Variants in BBS9 observed in about 807,000 individuals in gnomAD.
BBS9 encodes protein PTHB1.
A neutral mutation model predicts 117.7 loss-of-function variants in BBS9; 89 were observed. The ratio of observed to expected loss-of-function variants is 0.76; its 90% CI spans 0.64 to 0.90. The LOEUF (loss-of-function observed/expected upper bound fraction) is 0.90, where lower values mean the gene tolerates loss of function less well. Ranked by LOEUF, BBS9 falls within the 40% of genes least tolerant of loss-of-function variation. BBS9 has a pLI of 0.00. For missense variants in BBS9, 982 were observed against 1,042.2 expected (o/e 0.94, Z 0.80); for synonymous variants, 379 against 370.9 (o/e 1.02, Z -0.25).
At chr7:33,447,644 A>G (rs1343263545) in intron 19 of BBS9, among the ~76,000 whole-genome samples, 1 of 152,194 alleles carries the variant, frequency 6.6e-6, no homozygotes, top group Non-Finnish European at 1.5e-5. Flanking sequence ...AGGGTGTTAA[A>G]TATTTATTTG....
chr7:33,430,521 A>G (rs2128876550), intron 19 of BBS9, among the ~76,000 whole-genome samples: 1 of 152,314 alleles, frequency 6.6e-6, no homozygotes, highest in African/African-American at 2.4e-5. Context: ...GGGAGAATAC[A>G]AAGTCTTGTT....
intron 19 of BBS9, among the ~76,000 whole-genome samples, chr7:33,492,649 A>G (rs1844148135): frequency 1.3e-5 from 2 of 152,180 alleles, no homozygotes; most frequent in Admixed American, 1.3e-4. Context: ...AGGCATTCAA[A>G]CATTCAAATG....
At chr7:33,243,054 A>G in intron 5 of BBS9, 1 of 512,890 alleles carries the variant, frequency 1.9e-6, no homozygotes, top group Non-Finnish European at 3.9e-6. Flanking sequence ...ATGTGCTAAT[A>G]ATGTATGGAC....
At chr7:33,224,375 A>G (rs921708430) in intron 5 of BBS9, among the ~76,000 whole-genome samples, 1 of 152,200 alleles carries the variant, frequency 6.6e-6, no homozygotes, top group Admixed American at 6.5e-5. Context: ...TAACTGTTCT[A>G]TATCTGTCTG....
At chr7:33,580,950 A>G (rs1859766945) in intron 21 of BBS9, among the ~76,000 whole-genome samples, 1 of 152,148 alleles carries the variant, frequency 6.6e-6, no homozygotes, top group African/African-American at 2.4e-5. Context: ...TGGAAAAAGT[A>G]AAGGTTGTTT....
chr7:33,315,936 C>T (rs751458764), intron 9 of BBS9, among the ~76,000 whole-genome samples: 3 of 152,066 alleles, frequency 2.0e-5, no homozygotes, highest in Admixed American at 1.3e-4. Flanking sequence ...TCTATACTTC[C>T]ATCTACTCTT....
chr7:33,563,940 A>C (rs1353205902), intron 21 of BBS9, among the ~76,000 whole-genome samples: 1 of 152,220 alleles, frequency 6.6e-6, no homozygotes, highest in Admixed American at 6.5e-5. Context: ...AGATCTCTGT[A>C]TATTGCTGCC....
rs1393985096 is a variant in BBS9 at position 33,449,797 on chromosome 7, T to C, written c.2116-55666T>C. 2.0e-5 allele frequency among the ~76,000 whole-genome samples: 3 copies of C among 152,346 alleles called. No homozygotes were observed. In the East Asian group the frequency reaches 5.8e-4, roughly 29 times the overall value. On this transcript the variant is annotated intron_variant, in intron 19 of 22. Coordinates refer to ENST00000242067, the MANE Select transcript of BBS9 (RefSeq NM_198428.3). ...TTAAGGAAACAAATTGTATCATTCTTGGCCAATAACAGAGATACTCTTCCA... is the reference window on the plus strand; with the variant it reads ...TTAAGGAAACAAATTGTATCATTCTCGGCCAATAACAGAGATACTCTTCCA...
intron 5 of BBS9, among the ~76,000 whole-genome samples, chr7:33,196,338 A>G (rs1366093784): frequency 6.6e-6 from 1 of 152,078 alleles, no homozygotes; most frequent in African/African-American, 2.4e-5. Flanking sequence ...AAGAAAATGT[A>G]TTAGTGGCCA....
intron 2 of BBS9, among the ~76,000 whole-genome samples, chr7:33,150,155 A>T (rs1289106980): frequency 6.6e-6 from 1 of 152,212 alleles, no homozygotes; most frequent in Non-Finnish European, 1.5e-5. Flanking sequence ...TCAGTCTCTG[A>T]ATGAGCTTCT....
chr7:33,513,226 T>C (rs762639522), intron 20 of BBS9, among the ~76,000 whole-genome samples: 3 of 152,182 alleles, frequency 2.0e-5, no homozygotes, highest in Admixed American at 2.0e-4. Context: ...TAAAATTGTG[T>C]CTCCTGTCTA....
rs10537037 is a variant in BBS9 at position 33,545,924 on chromosome 7, C to CTTTT, written c.2521+11772_2521+11775dup. The stretch of plus-strand genomic sequence containing the variant: ...ATACTATACCTACTGCTTTATAATC[C>CTTTT]TTTTTTTTTTTTTTTTTTTTTTTTT... On this transcript the variant is annotated intron_variant, in intron 21 of 22. Transcript: ENST00000242067. Among the ~76,000 whole-genome samples the CTTTT allele has an allele frequency of 1.3e-3, 86 of 64,614 alleles. 15 individuals carry two copies. The highest frequency in any genetic ancestry group is 3.4e-3 in the Admixed American group (14 of 4,132). The allele number at this position is 64,614 out of a possible 152,430, so 42.4% of individuals were successfully genotyped here.
At chr7:33,175,458 T>G (rs1272851631) in intron 4 of BBS9, among the ~76,000 whole-genome samples, 1 of 152,146 alleles carries the variant, frequency 6.6e-6, no homozygotes, top group Non-Finnish European at 1.5e-5. Context: ...CAATTTAAAT[T>G]TAATGGCCTT....
chr7:33,207,753 C>T (rs1787216885), intron 5 of BBS9, among the ~76,000 whole-genome samples: 1 of 152,018 alleles, frequency 6.6e-6, no homozygotes, highest in Non-Finnish European at 1.5e-5. Context: ...CATATCTGTA[C>T]ATAAACATAT....
intron 17 of BBS9, among the ~76,000 whole-genome samples, chr7:33,382,653 G>T (rs1825291520): frequency 6.6e-6 from 1 of 152,106 alleles, no homozygotes; most frequent in Non-Finnish European, 1.5e-5. Context: ...TCCAGTGCCT[G>T]CTCTCTTACT....
intron 16 of BBS9, among the ~76,000 whole-genome samples, chr7:33,366,204 A>T (rs945941657): frequency 6.6e-6 from 1 of 152,160 alleles, no homozygotes. Context: ...CTCAGTGGCA[A>T]AAGATGCTGG....
intron 19 of BBS9, among the ~76,000 whole-genome samples, chr7:33,492,410 G>C (rs554003217): frequency 6.6e-6 from 1 of 151,920 alleles, no homozygotes; most frequent in African/African-American, 2.4e-5. Flanking sequence ...GCTTAAAGAC[G>C]TCGAGGACCT....
Position 33,231,249 on chromosome 7 carries a change from C to T in BBS9, c.443-25987C>T, listed in dbSNP as rs116064093. ...GAACTCCTGAGGTCATGTGATCCTC[C>T]TTCCTCAGCCTCCTGAGTAGCTAGG... On this transcript the variant is annotated intron_variant, in intron 5 of 22. Coordinates refer to ENST00000242067, the MANE Select transcript of BBS9 (RefSeq NM_198428.3). 7.8e-3 allele frequency among the ~76,000 whole-genome samples: 1,190 copies of T among 152,156 alleles called. 19 individuals carry two copies. Among genetic ancestry groups the T allele is most frequent in the African/African-American group, 0.028 (1,150 of 41,510 alleles).
At position 33,563,195 on chromosome 7, in the gene BBS9, C is replaced by T. The variant is rs550127965; in HGVS notation, c.2521+29019C>T. ...CAAAAGGATAAGTTCAGATAATAAT[C>T]AAATAAAGGATTTGCTAGAATATGT... is the stretch of plus-strand genomic sequence containing the variant. On this transcript the variant is annotated intron_variant, in intron 21 of 22. Transcript: ENST00000242067. Among the ~76,000 whole-genome samples the T allele has an allele frequency of 2.2e-4, 33 of 152,194 alleles. 1 individual carries two copies. The South Asian group carries it at 6.8e-3, about 32-fold the overall frequency.
Sources: allele counts gnomAD v4.1 joint callset (sites outside exome capture counted in the v4.1 genomes callset), GRCh38; gene constraint gnomAD v4.1.1; transcripts MANE v1.5; gene names NCBI Gene and HGNC (gene_info 2026-07-23, HGNC 2026-07-21).